ANXA2: variants seen among roughly 807,000 people sequenced by gnomAD.
The protein encoded by ANXA2 is annexin II.
ANXA2 carries 28 observed loss-of-function variants against 47.3 expected under a neutral mutation model. The observed-to-expected ratio is 0.59, with a 90% confidence interval of 0.44 to 0.81. ANXA2 has a LOEUF of 0.81. ANXA2 is among the 40% of genes least tolerant of loss of function. The pLI, the probability that ANXA2 is intolerant of heterozygous loss-of-function variation, is 0.00. For missense variants in ANXA2, 384 were observed against 414.3 expected, an observed-to-expected ratio of 0.93 and a Z score of 0.64; for synonymous variants, 172 against 155.5, an observed-to-expected ratio of 1.11 and a Z score of -0.79.
chr15:60,373,513 A>G (rs1223888326), intron 3 of ANXA2, among the ~76,000 whole-genome samples: 2 of 152,202 alleles, frequency 1.3e-5, no homozygotes, highest in Non-Finnish European at 2.9e-5. Flanking sequence ...CTGCTGTAAA[A>G]GTTGCCCCTC....
chr15:60,386,236 C>T (rs975420241), intron 1 of ANXA2, 150 bp from the exon 2 acceptor site: 22 of 617,696 alleles, frequency 3.6e-5, no homozygotes, highest in East Asian at 2.8e-4. Flanking sequence ...TCCCATCTTA[C>T]GACTGTAAAA....
At chr15:60,390,336 C>A in intron 1 of ANXA2, 1 of 884,264 alleles carries the variant, frequency 1.1e-6, no homozygotes, top group Non-Finnish European at 1.5e-6. Flanking sequence ...AAAATATGGC[C>A]ACTTTCCTCC....
chr15:60,349,024 C>T (rs765488123), intron 12 of ANXA2, 51 bp downstream of exon 12: 3 of 1,609,178 alleles, frequency 1.9e-6, no homozygotes, highest in African/African-American at 1.3e-5. Flanking sequence ...CCTGCCAGGG[C>T]CCGGGGTGCT....
chr15:60,368,733 A>G (rs1301270759), intron 3 of ANXA2, among the ~76,000 whole-genome samples: 1 of 152,196 alleles, frequency 6.6e-6, no homozygotes, highest in Non-Finnish European at 1.5e-5. Flanking sequence ...CTGTACTTTC[A>G]AAGTTCACCA....
chr15:60,388,470 C>A (rs182005145), intron 1 of ANXA2, among the ~76,000 whole-genome samples: 1 of 151,498 alleles, frequency 6.6e-6, no homozygotes, highest in Admixed American at 6.6e-5. Context: ...ACTGAGATTA[C>A]GGGCATAAAC....
At chr15:60,364,938 AAT>A (rs1258224139) in intron 3 of ANXA2, among the ~76,000 whole-genome samples, 3 of 151,100 alleles carry the variant, frequency 2.0e-5, no homozygotes, top group Non-Finnish European at 2.9e-5. Flanking sequence ...AAACTGAATT[AAT>A]AGAGATAATT....
intron 3 of ANXA2, among the ~76,000 whole-genome samples, chr15:60,366,579 C>G (rs912855044): frequency 1.3e-5 from 2 of 149,868 alleles, no homozygotes; most frequent in African/African-American, 4.9e-5. Flanking sequence ...GCAACCGCCC[C>G]GTCTGAGAAG....
In ANXA2 at chr15:60,347,349, C is replaced by T; in HGVS notation, c.*281G>A. The T allele has an allele frequency of 2.2e-6, 1 of 463,258 alleles. No homozygotes were observed. Among genetic ancestry groups the T allele is most frequent in the South Asian group, 3.3e-5 (1 of 30,716 alleles). The allele number at this position is 463,258 out of a possible 1,614,324, so 28.7% of individuals were successfully genotyped here. A position where few individuals can be genotyped will look rare whatever the true frequency, so the allele number is the denominator to read the frequency against. On this transcript the variant is annotated 3_prime_UTR_variant, in exon 13 of 13. Coordinates refer to ENST00000451270, the MANE Select transcript of ANXA2 (RefSeq NM_004039.3). ...AGTACGTGTTTCTAAAGTACAAATT[C>T]AGTTTATTCATCTGTTTATGACACA...
At chr15:60,366,276 G>A (rs1175572181) in intron 3 of ANXA2, among the ~76,000 whole-genome samples, 3 of 151,554 alleles carry the variant, frequency 2.0e-5, no homozygotes, top group Non-Finnish European at 4.4e-5. Flanking sequence ...ACCCCGTCTG[G>A]GAAGTGAGGA....
chr15:60,384,919 T>G (rs1282080253), intron 2 of ANXA2: 1 of 152,238 alleles, frequency 6.6e-6, no homozygotes, highest in East Asian at 1.9e-4. Context: ...GTATCAGTGC[T>G]GAGTCTGCGT....
At chr15:60,380,991 G>T (rs182299797) in intron 3 of ANXA2, among the ~76,000 whole-genome samples, 1 of 151,822 alleles carries the variant, frequency 6.6e-6, no homozygotes, top group East Asian at 1.9e-4. Context: ...AACGTTAAGC[G>T]GGTTTTTCTA....
At chr15:60,353,198 G>C (rs1362797216) in intron 8 of ANXA2, among the ~76,000 whole-genome samples, 1 of 152,128 alleles carries the variant, frequency 6.6e-6, no homozygotes, top group African/African-American at 2.4e-5. Flanking sequence ...GACTTACTTT[G>C]AGATAATCGT....
chr15:60,385,845 C>A, intron 2 of ANXA2, 183 bp downstream of exon 2: 1 of 525,574 alleles, frequency 1.9e-6, no homozygotes, highest in South Asian at 3.2e-5. Flanking sequence ...TTTCCAGTGC[C>A]ATGATATTTC....
intron 1 of ANXA2, among the ~76,000 whole-genome samples, chr15:60,388,370 T>C (rs11071524): frequency 0.79 from 119,625 of 151,996 alleles, 47,840 homozygotes; most frequent in East Asian, 1. Context: ...TATATAAAAT[T>C]TCTCATTTAT....
At position 60,386,090 on chromosome 15, in the gene ANXA2, GA is replaced by G. The variant is rs1227581851; in HGVS notation, c.-11-5del. 7 of 1,605,456 alleles carry G rather than the reference GA, an allele frequency of 4.4e-6. No individual in the cohort carries two copies. Among genetic ancestry groups the G allele is most frequent in the South Asian group, 1.1e-5 (1 of 90,436 alleles). Reference sequence around the variant, plus strand: ...ACAGTAGACATTTTGAAGGAAGCTGGAAAAAAAGTACAACAAAAAGTCTTTA... The same window carrying G: ...ACAGTAGACATTTTGAAGGAAGCTGGAAAAAAGTACAACAAAAAGTCTTTA... On this transcript the variant is annotated splice_polypyrimidine_tract_variant and splice_region_variant and intron_variant, in intron 1 of 12. Coordinates refer to ENST00000451270, the MANE Select transcript of ANXA2 (RefSeq NM_004039.3).
intron 3 of ANXA2, among the ~76,000 whole-genome samples, chr15:60,373,563 G>A (rs527508273): frequency 1.4e-4 from 22 of 152,192 alleles, no homozygotes; most frequent in South Asian, 8.3e-4. Flanking sequence ...TCTCCAGAGC[G>A]TCTCTCATCA....
At chr15:60,359,758 G>C (rs748803039) in intron 5 of ANXA2, among the ~76,000 whole-genome samples, 2 of 152,118 alleles carry the variant, frequency 1.3e-5, no homozygotes, top group Non-Finnish European at 2.9e-5. Context: ...TCATAATTCA[G>C]GAACAGTGGC....
chr15:60,395,063 A>G (rs1056067265), intron 1 of ANXA2, among the ~76,000 whole-genome samples: 2 of 152,072 alleles, frequency 1.3e-5, no homozygotes, highest in South Asian at 2.1e-4. Flanking sequence ...TTAAGACACC[A>G]TAATTTTAAG....
intron 6 of ANXA2, among the ~76,000 whole-genome samples, chr15:60,356,574 A>G (rs549880701): frequency 6.6e-6 from 1 of 152,376 alleles, no homozygotes; most frequent in East Asian, 1.9e-4. Context: ...CTTGATAATT[A>G]CATATTATAT....
Sources: allele counts gnomAD v4.1 joint callset (sites outside exome capture counted in the v4.1 genomes callset), GRCh38; gene constraint gnomAD v4.1.1; transcripts MANE v1.5; gene names NCBI Gene and HGNC (gene_info 2026-07-23, HGNC 2026-07-21).